TOX3: variants seen among roughly 807,000 people sequenced by gnomAD.
The protein encoded by TOX3 is TOX high mobility group box family member 3.
TOX3 carries 22 observed loss-of-function variants against 64.3 expected under a neutral mutation model. The observed-to-expected ratio is 0.34, with a 90% CI of 0.24 to 0.49. TOX3 has a LOEUF of 0.49. Ranked by LOEUF, TOX3 falls within the 20% of genes least tolerant of loss-of-function variation. TOX3 has a pLI of 0.99. For missense variants in TOX3, 661 were observed against 714.4 expected (o/e 0.93, Z 0.85); for synonymous variants, 291 against 273.6 (o/e 1.06, Z -0.63).
At chr16:52,479,255 A>T (rs566554002) in intron 1 of TOX3, among the ~76,000 whole-genome samples, 1 of 152,340 alleles carries the variant, frequency 6.6e-6, no homozygotes, top group East Asian at 1.9e-4. Context: ...ACCTAATGTC[A>T]TCAAAGTGAG....
rs746635654 is a variant in TOX3 at position 52,438,984 on chromosome 16, G to T, written c.*241C>A. 7 of 686,410 alleles carry T rather than the reference G, an allele frequency of 1.0e-5. No individual in the cohort carries two copies. Among genetic ancestry groups the T allele is most frequent in the Non-Finnish European group, 1.6e-5 (6 of 372,300 alleles). The allele number at this position is 686,410 out of a possible 1,614,324, so 42.5% of individuals were successfully genotyped here. A position where few individuals can be genotyped will look rare whatever the true frequency, so the allele number is the denominator to read the frequency against. ...GGTATAGCCTGAATAAATAAAAAAG[G>T]CATCACATAAAAGAGCACAGCTTTT... On this transcript the variant is annotated 3_prime_UTR_variant, in exon 7 of 7. Transcript: ENST00000219746.
chr16:52,516,304 A>T (rs1196541007), intron 1 of TOX3, among the ~76,000 whole-genome samples: 1 of 152,214 alleles, frequency 6.6e-6, no homozygotes, highest in African/African-American at 2.4e-5. Flanking sequence ...ACTATAAAAG[A>T]AAAATTACAA....
intron 2 of TOX3, among the ~76,000 whole-genome samples, chr16:52,465,008 T>TTTTTC (rs1244996636): frequency 1.2e-4 from 10 of 80,854 alleles, no homozygotes; most frequent in Admixed American, 1.2e-3. Context: ...ATGCATTCTT[T>TTTTTC]TTTTTTTTTT....
intron 1 of TOX3, among the ~76,000 whole-genome samples, chr16:52,513,387 A>T (rs1411254034): frequency 6.6e-6 from 1 of 152,228 alleles, no homozygotes; most frequent in Non-Finnish European, 1.5e-5. Context: ...AGAAATCTCT[A>T]AGACTAGGCC....
chr16:52,524,269 A>G (rs1304929794), intron 1 of TOX3, among the ~76,000 whole-genome samples: 2 of 152,230 alleles, frequency 1.3e-5, no homozygotes, highest in Non-Finnish European at 2.9e-5. Context: ...TTAATAACTC[A>G]CTGAATCCAA....
At chr16:52,444,024 G>A (rs192083492) in intron 6 of TOX3, among the ~76,000 whole-genome samples, 237 of 152,260 alleles carry the variant, frequency 1.6e-3, no homozygotes, top group Non-Finnish European at 2.2e-3. Flanking sequence ...TAAAATTTAT[G>A]TATATAGCTA....
In TOX3 at chr16:52,514,253, T is replaced by C. The variant is rs140332761; in HGVS notation, c.87+32384A>G. 3.4e-4 allele frequency among the ~76,000 whole-genome samples: 52 copies of C among 152,334 alleles called. No individual in the cohort carries two copies. In the East Asian group the frequency reaches 8.5e-3, roughly 25 times the overall value. On this transcript the variant is annotated intron_variant, in intron 1 of 6. Coordinates refer to ENST00000219746, the MANE Select transcript of TOX3 (RefSeq NM_001080430.4). ...GGCTCCACATCCATGTTGCTCCACT[T>C]ATCAGACGGCCACCCAAACATACAA...
intron 1 of TOX3, among the ~76,000 whole-genome samples, chr16:52,543,567 C>A (rs1467498723): frequency 6.6e-6 from 1 of 152,106 alleles, no homozygotes; most frequent in Non-Finnish European, 1.5e-5. Flanking sequence ...TCTTAATATA[C>A]AGGGTTTAAT....
intron 1 of TOX3, among the ~76,000 whole-genome samples, chr16:52,528,598 G>A (rs1007765179): frequency 1.3e-5 from 2 of 152,086 alleles, no homozygotes; most frequent in African/African-American, 4.8e-5. Context: ...CCGGCCAACT[G>A]CTTCATATGT....
chr16:52,523,433 C>G lies in TOX3; in HGVS notation c.87+23204G>C, dbSNP rs552164128. ...CTCCAAGCAGAGGAGTCACAGGGAC[C>G]TAGCTTACTTATTTTTCTCAAATAG... On this transcript the variant is annotated intron_variant, in intron 1 of 6. Coordinates refer to ENST00000219746, the MANE Select transcript of TOX3 (RefSeq NM_001080430.4). Among the ~76,000 whole-genome samples, 343 of 152,196 alleles carry G rather than the reference C, an allele frequency of 2.3e-3. 2 individuals carry two copies. The highest frequency in any genetic ancestry group is 3.5e-3 in the Non-Finnish European group (241 of 68,010).
chr16:52,441,468 A>T (rs1959985449), intron 6 of TOX3, among the ~76,000 whole-genome samples: 1 of 152,180 alleles, frequency 6.6e-6, no homozygotes, highest in African/African-American at 2.4e-5. Context: ...ATAGAGAGAA[A>T]CTATCTATTA....
At chr16:52,520,403 A>G (rs1962578154) in intron 1 of TOX3, among the ~76,000 whole-genome samples, 1 of 152,228 alleles carries the variant, frequency 6.6e-6, no homozygotes, top group African/African-American at 2.4e-5. Flanking sequence ...GTTTACAACA[A>G]GCAAAAGCTG....
At chr16:52,501,661 A>AAAAC (rs1190735412) in intron 1 of TOX3, among the ~76,000 whole-genome samples, 8 of 150,146 alleles carry the variant, frequency 5.3e-5, no homozygotes, top group South Asian at 2.1e-4. Flanking sequence ...CTCTATCTCA[A>AAAAC]AAACAAACAA....
chr16:52,489,878 C>T (rs1229159640), intron 1 of TOX3, among the ~76,000 whole-genome samples: 2 of 152,098 alleles, frequency 1.3e-5, no homozygotes, highest in Non-Finnish European at 2.9e-5. Context: ...ACACCAACCA[C>T]ACCAACATCT....
Position 52,439,304 on chromosome 16 carries a change from TG to T in TOX3, c.1651del (p.Gln551SerfsTer63), listed in dbSNP as rs757124845. ...TSPIPAIGSP[Q>X]PASQQHQSQI... The stretch of plus-strand genomic sequence containing the variant: ...CGACTGGTGCTGCTGAGAGGCTGGC[TG>T]GGGGCTCCCGATGGCAGGGATGGGG... On this transcript the variant is annotated frameshift_variant, in exon 7 of 7. Transcript: ENST00000219746. LOFTEE classifies it high-confidence loss of function. 2 of 1,613,832 alleles carry T rather than the reference TG, an allele frequency of 1.2e-6. No homozygotes were observed. Among genetic ancestry groups the T allele is most frequent in the Non-Finnish European group, 1.7e-6 (2 of 1,179,852 alleles).
intron 1 of TOX3, among the ~76,000 whole-genome samples, chr16:52,543,990 T>G (rs533778127): frequency 6.6e-6 from 1 of 152,218 alleles, no homozygotes; most frequent in East Asian, 1.9e-4. Flanking sequence ...CTTTCACTTG[T>G]TAAGCCTAGA....
At chr16:52,513,685 C>A (rs1962371268) in intron 1 of TOX3, among the ~76,000 whole-genome samples, 1 of 152,136 alleles carries the variant, frequency 6.6e-6, no homozygotes, top group African/African-American at 2.4e-5. Context: ...GAGTGACTTA[C>A]AATTGAGATA....
chr16:52,498,662 G>C (rs1596830028), intron 1 of TOX3, among the ~76,000 whole-genome samples: 1 of 152,084 alleles, frequency 6.6e-6, no homozygotes, highest in African/African-American at 2.4e-5. Flanking sequence ...GCCAGAAGAA[G>C]GCCTCCATGA....
intron 3 of TOX3, among the ~76,000 whole-genome samples, chr16:52,457,220 T>G (rs918213268): frequency 6.6e-6 from 1 of 152,198 alleles, no homozygotes; most frequent in African/African-American, 2.4e-5. Context: ...TTGTTTTGTT[T>G]CTTTTTGCAA....
Sources: gnomAD v4.1 joint callset for allele counts (sites outside exome capture counted in the v4.1 genomes callset) on GRCh38, gnomAD v4.1.1 for gene constraint, MANE v1.5 for transcripts, NCBI Gene and HGNC (gene_info 2026-07-23, HGNC 2026-07-21) for gene names.